MDFIC2: variants seen among roughly 807,000 people sequenced by gnomAD.
MDFIC2 encodes myoD family inhibitor domain-containing protein 2.
At chr3:70,269,524 C>A (rs142893317) in intron 2 of MDFIC2, among the ~76,000 whole-genome samples, 2 of 150,706 alleles carry the variant, frequency 1.3e-5, no homozygotes, top group African/African-American at 2.5e-5. Flanking sequence ...TTTCTTTTTT[C>A]TGTCCATAAA....
chr3:70,303,640 G>A (rs963475922), intron 2 of MDFIC2, among the ~76,000 whole-genome samples: 1 of 151,998 alleles, frequency 6.6e-6, no homozygotes, highest in African/African-American at 2.4e-5. Context: ...TTTTAATATT[G>A]CTGAATTTTG....
chr3:70,305,691 GT>G (rs1238581948), intron 2 of MDFIC2, among the ~76,000 whole-genome samples: 3 of 152,146 alleles, frequency 2.0e-5, no homozygotes, highest in African/African-American at 7.2e-5. Flanking sequence ...TTCTATTAAT[GT>G]TCATGATCCA....
chr3:70,234,433 G>T (rs929900894), intron 2 of MDFIC2, among the ~76,000 whole-genome samples: 4 of 151,976 alleles, frequency 2.6e-5, no homozygotes, highest in Non-Finnish European at 4.4e-5. Context: ...TGGATTTCTT[G>T]AGCCCAGGAG....
At chr3:70,229,622 G>A (rs965115172) in intron 2 of MDFIC2, among the ~76,000 whole-genome samples, 5 of 152,060 alleles carry the variant, frequency 3.3e-5, no homozygotes, top group African/African-American at 4.8e-5. Flanking sequence ...GATTCTTCAC[G>A]TTTTATTCTC....
intron 2 of MDFIC2, among the ~76,000 whole-genome samples, chr3:70,290,581 G>A (rs1392759134): frequency 2.0e-5 from 3 of 152,224 alleles, no homozygotes; most frequent in Non-Finnish European, 4.4e-5. Context: ...GCTGTGGTGG[G>A]CTCCACCCAG....
intron 3 of MDFIC2, among the ~76,000 whole-genome samples, chr3:70,201,588 A>C (rs910040030): frequency 1.3e-5 from 2 of 152,172 alleles, no homozygotes; most frequent in African/African-American, 4.8e-5. Flanking sequence ...AACTGAGGCA[A>C]AGAGTGTTTA....
chr3:70,225,739 A>G (rs1042964793), intron 2 of MDFIC2, among the ~76,000 whole-genome samples: 7 of 152,246 alleles, frequency 4.6e-5, no homozygotes, highest in Admixed American at 3.9e-4. Context: ...TAGTTTGGTG[A>G]TAAGAACAAA....
At chr3:70,225,735 G>A (rs1359720016) in intron 2 of MDFIC2, among the ~76,000 whole-genome samples, 1 of 152,114 alleles carries the variant, frequency 6.6e-6, no homozygotes, top group East Asian at 1.9e-4. Context: ...ACGATAGTTT[G>A]GTGATAAGAA....
At chr3:70,273,687 C>G (rs1161961473) in intron 2 of MDFIC2, among the ~76,000 whole-genome samples, 1 of 152,230 alleles carries the variant, frequency 6.6e-6, no homozygotes, top group Non-Finnish European at 1.5e-5. Context: ...TGCCATTACT[C>G]AGGCCTGTGC....
chr3:70,224,824 T>TC (rs371363720), intron 2 of MDFIC2, among the ~76,000 whole-genome samples: 213 of 151,340 alleles, frequency 1.4e-3, no homozygotes, highest in Middle Eastern at 6.8e-3. Flanking sequence ...TTTTGCAGTT[T>TC]CCCCCCCCAC....
intron 2 of MDFIC2, among the ~76,000 whole-genome samples, chr3:70,246,467 T>C (rs1311010194): frequency 6.6e-6 from 1 of 152,070 alleles, no homozygotes; most frequent in Non-Finnish European, 1.5e-5. Flanking sequence ...AGTGGGGAGT[T>C]TGATCATTGG....
intron 2 of MDFIC2, among the ~76,000 whole-genome samples, chr3:70,258,738 A>G (rs1260948306): frequency 6.6e-6 from 1 of 152,180 alleles, no homozygotes; most frequent in East Asian, 1.9e-4. Flanking sequence ...AAAACTTTAA[A>G]ATTATAAAAA....
intron 2 of MDFIC2, among the ~76,000 whole-genome samples, chr3:70,207,092 A>C (rs1306639347): frequency 6.6e-6 from 1 of 151,342 alleles, no homozygotes; most frequent in Non-Finnish European, 1.5e-5. Flanking sequence ...CACTTGGATC[A>C]ACAAAATCTC....
At chr3:70,264,023 A>T (rs578192425) in intron 2 of MDFIC2, among the ~76,000 whole-genome samples, 1 of 152,360 alleles carries the variant, frequency 6.6e-6, no homozygotes, top group South Asian at 2.1e-4. Flanking sequence ...TAACTTTACT[A>T]TGAATTATCA....
chr3:70,308,786 AT>A (rs1215920609), intron 2 of MDFIC2, among the ~76,000 whole-genome samples: 1 of 152,168 alleles, frequency 6.6e-6, no homozygotes, highest in Non-Finnish European at 1.5e-5. Context: ...GTTAGAAATA[AT>A]AGCAGTACTC....
rs1214902904 is a variant in MDFIC2 at position 70,196,963 on chromosome 3, T to C, written c.533A>G (p.Glu178Gly). The C allele has an allele frequency of 2.5e-6, 1 of 398,536 alleles. No homozygotes were observed. The highest frequency in any genetic ancestry group is 4.4e-6 in the Non-Finnish European group (1 of 226,004). The allele number at this position is 398,536 out of a possible 1,614,324, so 24.7% of individuals were successfully genotyped here. The change falls in exon 4 of 4, where the codon GAA (glutamate) becomes GGA (glycine). Residue 178 changes from glutamate to glycine, a missense_variant. Transcript: ENST00000567252. ...GATTTCTGAAATCTCCATGGCCAGT[T>C]CCAGACACTCGCTGGTCTCATGGCA... Reference protein sequence around the residue: ...ESCHETSECLELAMEISEICY... With the variant: ...ESCHETSECLGLAMEISEICY...
chr3:70,223,836 A>T (rs1701480348), intron 2 of MDFIC2, among the ~76,000 whole-genome samples: 1 of 152,108 alleles, frequency 6.6e-6, no homozygotes, highest in South Asian at 2.1e-4. Context: ...ATTTGCTTTT[A>T]GGCACCCTTT....
At position 70,210,621 on chromosome 3, in the gene MDFIC2, T is replaced by A. The variant is rs574636042; in HGVS notation, c.89-3831A>T. Among the ~76,000 whole-genome samples the A allele has an allele frequency of 2.0e-5, 3 of 152,262 alleles. No homozygotes were observed. In the South Asian group the frequency reaches 6.2e-4, roughly 32 times the overall value. On this transcript the variant is annotated intron_variant, in intron 2 of 3. Coordinates refer to ENST00000567252, the MANE Select transcript of MDFIC2 (RefSeq NM_001364677.1). ...GAAACATAAAAAGTAGTGTCATATC[T>A]TCTGTAGAGAAAATTATTTTAGAGT...
intron 2 of MDFIC2, among the ~76,000 whole-genome samples, chr3:70,294,874 T>C (rs1223441225): frequency 6.6e-6 from 1 of 152,168 alleles, no homozygotes; most frequent in Non-Finnish European, 1.5e-5. Context: ...AATAGGAGAC[T>C]ATCTTTTTTT....
Sources: allele counts gnomAD v4.1 joint callset (sites outside exome capture counted in the v4.1 genomes callset), GRCh38; gene constraint gnomAD v4.1.1; transcripts MANE v1.5; gene names NCBI Gene and HGNC (gene_info 2026-07-23, HGNC 2026-07-21).